Variants in ADGRB2 observed in about 807,000 individuals in gnomAD.
ADGRB2 encodes adhesion G protein-coupled receptor B2, also known as brain-specific angiogenesis inhibitor 2.
A neutral mutation model predicts 178.7 loss-of-function variants in ADGRB2; 47 were observed. The ratio of observed to expected loss-of-function variants is 0.26; its 90% confidence interval spans 0.21 to 0.34. The LOEUF is 0.34. ADGRB2 is among the 10% of genes least tolerant of loss of function. ADGRB2 has a pLI of 1.00. For missense variants in ADGRB2, 1,584 were observed against 2,180.8 expected (o/e 0.73, Z 5.45); for synonymous variants, 870 against 912.4 (o/e 0.95, Z 0.84).
rs777665308 is a variant in ADGRB2, at chr1:31,740,567, C to T, written c.1795-26G>A. ...CTGTAGGTGATGAGGGGGCCACAGT[C>T]ACTGAAGTGTCAGGAGCTGGAACCA... is the stretch of plus-strand genomic sequence containing the variant. On this transcript the variant is annotated intron_variant, in intron 11 of 32. Transcript: ENST00000373658. The surrounding 1 kb of genome is among the most constrained non-coding windows in gnomAD (Gnocchi z 5.9). The T allele has an allele frequency of 6.4e-7, 1 of 1,562,238 alleles. No homozygotes were observed. The highest frequency in any genetic ancestry group is 8.7e-7 in the Non-Finnish European group (1 of 1,152,896).
At position 31,744,136 on chromosome 1, in the gene ADGRB2, G is replaced by A; in HGVS notation, c.1087+57C>T. The A allele has an allele frequency of 6.8e-7, 1 of 1,466,204 alleles. No homozygotes were observed. Among genetic ancestry groups the A allele is most frequent in the Non-Finnish European group, 9.1e-7 (1 of 1,104,308 alleles). The allele number at this position is 1,466,204 out of a possible 1,614,324, so 90.8% of individuals were successfully genotyped here. On this transcript the variant is annotated intron_variant, in intron 6 of 32. Transcript: ENST00000373658. The surrounding 1 kb of genome is among the most constrained non-coding windows in gnomAD (Gnocchi z 6.7). ...CCATTTTGGAGATTAATCTGCCCAAGTCCCAGGCAGGACCTAACCCTGCAG... is the reference window on the plus strand; with the variant it reads ...CCATTTTGGAGATTAATCTGCCCAAATCCCAGGCAGGACCTAACCCTGCAG...
rs1402105164 is a variant in ADGRB2 at position 31,744,553 on chromosome 1, G to GGACA, written c.922+91_922+94dup. On this transcript the variant is annotated intron_variant, in intron 5 of 32. Coordinates refer to ENST00000373658, the MANE Select transcript of ADGRB2 (RefSeq NM_001364857.2). This position sits in a 1 kb window ranked among gnomAD's most constrained non-coding sequence, Gnocchi z 6.7. ...GTGGCACAGACGCGACTGAACTGCA[G>GGACA]GACAGAGACAGACAGGCACACACCA... 22 of 1,500,294 alleles carry GGACA rather than the reference G, an allele frequency of 1.5e-5. No individual in the cohort carries two copies. The highest frequency in any genetic ancestry group is 1.9e-5 in the Non-Finnish European group (21 of 1,097,082). 92.9% of individuals were successfully genotyped at this position (1,500,294 alleles called of 1,614,324 possible). A position where few individuals can be genotyped will look rare whatever the true frequency, so the allele number is the denominator to read the frequency against.
Position 31,735,138 on chromosome 1 carries a change from C to T in ADGRB2, c.3452+45G>A. ...CCATGGGCACTGCCCCCCCCAATTC[C>T]TTTGCCCCACCCACCCCCACCGCCC... On this transcript the variant is annotated intron_variant, in intron 25 of 32. Coordinates refer to ENST00000373658, the MANE Select transcript of ADGRB2 (RefSeq NM_001364857.2). The surrounding 1 kb of genome is among the most constrained non-coding windows in gnomAD (Gnocchi z 6.0). 5 of 1,201,996 alleles carry T rather than the reference C, an allele frequency of 4.2e-6. No individual in the cohort carries two copies. The highest frequency in any genetic ancestry group is 3.0e-5 in the Admixed American group (1 of 32,950). 74.5% of individuals were successfully genotyped at this position (1,201,996 alleles called of 1,614,324 possible).
chr1:31,747,966 A>G (rs1646361491), intron 4 of ADGRB2, among the ~76,000 whole-genome samples: 1 of 152,198 alleles, frequency 6.6e-6, no homozygotes, highest in South Asian at 2.1e-4. Flanking sequence ...AATCCAGCTG[A>G]GAGTCCTCCC....
chr1:31,755,529 G>A lies in ADGRB2; in HGVS notation c.838+470C>T, dbSNP rs1646788701. Among the ~76,000 whole-genome samples the A allele has an allele frequency of 6.6e-6, 1 of 152,120 alleles. No homozygotes were observed. Among genetic ancestry groups the A allele is most frequent in the Non-Finnish European group, 1.5e-5 (1 of 68,028 alleles). On this transcript the variant is annotated intron_variant, in intron 4 of 32. Coordinates refer to ENST00000373658, the MANE Select transcript of ADGRB2 (RefSeq NM_001364857.2). The surrounding 1 kb of genome is among the most constrained non-coding windows in gnomAD (Gnocchi z 5.1). ...ACTGCCAAAACTCACTGACCTGTGTGGACAGGAATGCATCCCTGCTCCCTG... is the reference window on the plus strand; with the variant it reads ...ACTGCCAAAACTCACTGACCTGTGTAGACAGGAATGCATCCCTGCTCCCTG...
At position 31,731,176 on chromosome 1, in the gene ADGRB2, A is replaced by C; in HGVS notation, c.4004T>G (p.Leu1335Arg). 1.3e-6 allele frequency: 2 copies of C among 1,598,562 alleles called. No homozygotes were observed. The highest frequency in any genetic ancestry group is 8.5e-7 in the Non-Finnish European group (1 of 1,173,270). The change falls in exon 29 of 33, where the codon CTG becomes CGG. Residue 1335 changes from leucine (L) to arginine (R), a missense_variant. Transcript: ENST00000373658. Reference sequence around the variant, plus strand: ...AGTGGGCCGCAGCCATGTGAGGTCCAGCTGCCGCAGGCCACCCTCCCCACA... The same window carrying C: ...AGTGGGCCGCAGCCATGTGAGGTCCCGCTGCCGCAGGCCACCCTCCCCACA... The part of the protein sequence containing the change: ...YMCGEGGLRQ[L>R]DLTWLRPTEP...
chr1:31,764,164 C>T lies in ADGRB2; in HGVS notation c.-471G>A. ...GCCGCCCCCCGCTCCCCCGCTCCCC[C>T]GCCCCGAGCACCGCCCGCGCCGCGC... On this transcript the variant is annotated 5_prime_UTR_variant, in exon 1 of 33. Coordinates refer to ENST00000373658, the MANE Select transcript of ADGRB2 (RefSeq NM_001364857.2). This position sits in a 1 kb window ranked among gnomAD's most constrained non-coding sequence, Gnocchi z 7.3. 3 of 598,862 alleles carry T rather than the reference C, an allele frequency of 5.0e-6. No individual in the cohort carries two copies. The highest frequency in any genetic ancestry group is 6.2e-6 in the Non-Finnish European group (3 of 480,638). 37.1% of individuals were successfully genotyped at this position (598,862 alleles called of 1,614,324 possible).
intron 19 of ADGRB2, 29 bp downstream of exon 19, chr1:31,737,623 C>T: frequency 6.2e-7 from 1 of 1,612,598 alleles, no homozygotes; most frequent in Non-Finnish European, 8.5e-7. Flanking sequence ...CCCCCTCCCC[C>T]AGCCACAAGA....
At position 31,750,121 on chromosome 1, in the gene ADGRB2, T is replaced by C. The variant is rs1357070421; in HGVS notation, c.839-5390A>G. On this transcript the variant is annotated intron_variant, in intron 4 of 32. Transcript: ENST00000373658. ...TCTATTGCAATCTGCCAAAATCATC[T>C]ACATGTCAGTTGCCACCTCCTCCAG... Among the ~76,000 whole-genome samples, 3 of 152,214 alleles carry C rather than the reference T, an allele frequency of 2.0e-5. 1 individual carries two copies. Among genetic ancestry groups the C allele is most frequent in the Admixed American group, 2.0e-4 (3 of 15,294 alleles).
chr1:31,748,190 C>T (rs79125416), intron 4 of ADGRB2, among the ~76,000 whole-genome samples: 3 of 152,190 alleles, frequency 2.0e-5, no homozygotes, highest in African/African-American at 4.8e-5. Flanking sequence ...CAGGGCGAAG[C>T]GGGAGTGGGT....
chr1:31,743,350 C>T, intron 6 of ADGRB2: 1 of 216,702 alleles, frequency 4.6e-6, no homozygotes, highest in Non-Finnish European at 8.8e-6. Flanking sequence ...CCACCCCTCC[C>T]CATCCCACCC....
intron 20 of ADGRB2, 118 bp from the exon 21 acceptor site, chr1:31,736,841 C>T (rs1645635557): frequency 7.6e-6 from 11 of 1,444,880 alleles, no homozygotes; most frequent in Non-Finnish European, 8.2e-6. Flanking sequence ...CCCCGCCCCC[C>T]ACAGAGCCCT....
At position 31,741,787 on chromosome 1, in the gene ADGRB2, A is replaced by G; in HGVS notation, c.1585+13T>C. The G allele has an allele frequency of 6.3e-7, 1 of 1,596,298 alleles. No individual in the cohort carries two copies. The highest frequency in any genetic ancestry group is 8.6e-7 in the Non-Finnish European group (1 of 1,167,968). ...CATGGGGCCCCCAGCCCCCAGGGTC[A>G]TTAGGGCAGTACCTGGACACCTCTT... On this transcript the variant is annotated intron_variant, in intron 9 of 32. Transcript: ENST00000373658. The surrounding 1 kb of genome is among the most constrained non-coding windows in gnomAD (Gnocchi z 6.5).
rs774399837 is a variant in ADGRB2, at chr1:31,756,219, C to A, written c.618G>T (p.Glu206Asp). Residue 206 changes from glutamate (E) to aspartate (D), a missense_variant, in exon 4 of 33, where the codon GAG becomes GAT. By Grantham distance (45) the Glu-to-Asp change is conservative. This residue lies in a region of ADGRB2 where 657 missense variants were observed against 847.6 expected (regional missense o/e 0.78). Coordinates refer to ENST00000373658, the MANE Select transcript of ADGRB2 (RefSeq NM_001364857.2). The surrounding 1 kb of genome is among the most constrained non-coding windows in gnomAD (Gnocchi z 8.5). ...CCCTGCCGGCAGCGCGGCCACACTC[C>A]TCACTCCAGCGGCAGAGCACACCAC... ...FTCGVLCRWS[E>D]ECGRAAGRAC... The A allele has an allele frequency of 2.4e-5, 39 of 1,613,536 alleles. No individual in the cohort carries two copies. The South Asian group carries it at 4.0e-4, about 16-fold the overall frequency.
At position 31,759,408 on chromosome 1, in the gene ADGRB2, C is replaced by T; in HGVS notation, c.-190-1897G>A. On this transcript the variant is annotated intron_variant, in intron 1 of 32. Transcript: ENST00000373658. This position sits in a 1 kb window ranked among gnomAD's most constrained non-coding sequence, Gnocchi z 4.3. ...GGGGTCTTCCTTTGCATGTCTGAAG[C>T]TGGATCTCCCTCCCCTACCCTGCTC... 1 of 779,064 alleles carries T rather than the reference C, an allele frequency of 1.3e-6. No individual in the cohort carries two copies. The highest frequency in any genetic ancestry group is 2.4e-6 in the Non-Finnish European group (1 of 417,588). The allele number at this position is 779,064 out of a possible 1,614,324, so 48.3% of individuals were successfully genotyped here.
At chr1:31,729,150 C>T (rs547734934) in intron 29 of ADGRB2, among the ~76,000 whole-genome samples, 27 of 152,242 alleles carry the variant, frequency 1.8e-4, no homozygotes, top group Non-Finnish European at 2.9e-5. Flanking sequence ...TGTCCCAGAC[C>T]ACTTTCAAGG....
Position 31,758,345 on chromosome 1 carries a change from C to G in ADGRB2, c.-190-834G>C, listed in dbSNP as rs1162794391. On this transcript the variant is annotated intron_variant, in intron 1 of 32. Transcript: ENST00000373658. The surrounding 1 kb of genome is among the most constrained non-coding windows in gnomAD (Gnocchi z 4.2). ...TGTCTCCCTCCACCAGTAGCCTCTG[C>G]TCCTTCCCTAGGCTTGCTGCTCAGG... Among the ~76,000 whole-genome samples, 6 of 152,242 alleles carry G rather than the reference C, an allele frequency of 3.9e-5. No homozygotes were observed. Among genetic ancestry groups the G allele is most frequent in the Non-Finnish European group, 8.8e-5 (6 of 68,042 alleles).
chr1:31,747,420 T>C (rs1216593033), intron 4 of ADGRB2, among the ~76,000 whole-genome samples: 6 of 152,130 alleles, frequency 3.9e-5, no homozygotes, highest in Non-Finnish European at 8.8e-5. Context: ...AAATTCAGCA[T>C]GTCCAAGAAG....
chr1:31,730,680 A>G, intron 29 of ADGRB2, 120 bp downstream of exon 29: 2 of 1,298,830 alleles, frequency 1.5e-6, no homozygotes, highest in Non-Finnish European at 2.0e-6. Flanking sequence ...TGCTCAGTGT[A>G]TCCACTCCCA....
Sources: allele counts gnomAD v4.1 joint callset (sites outside exome capture counted in the v4.1 genomes callset), GRCh38; gene constraint gnomAD v4.1.1; regional missense constraint gnomAD v4.1.1; non-coding constraint Gnocchi (gnomAD v3.1); transcripts MANE v1.5; gene names NCBI Gene and HGNC (gene_info 2026-07-23, HGNC 2026-07-21).